Variants in PTPN3 observed in about 807,000 individuals in gnomAD.
PTPN3 encodes the protein protein tyrosine phosphatase non-receptor type 3.
A neutral mutation model predicts 132.7 loss-of-function variants in PTPN3; 96 were observed. The ratio of observed to expected loss-of-function variants is 0.72; its 90% CI spans 0.61 to 0.86. PTPN3 has a LOEUF of 0.86. Ranked by LOEUF, PTPN3 falls within the 40% of genes least tolerant of loss-of-function variation. The probability of loss-of-function intolerance (pLI) is 0.00; values close to 1 mark genes in which losing one functional copy is unlikely to be tolerated. For synonymous variants in PTPN3, 398 were observed against 429.0 expected (o/e 0.93, Z 0.89); for missense variants, 1,125 against 1,159.6 (o/e 0.97, Z 0.43).
intron 17 of PTPN3, among the ~76,000 whole-genome samples, chr9:109,407,688 C>A (rs1490437426): frequency 1.3e-5 from 2 of 152,042 alleles, no homozygotes; most frequent in African/African-American, 4.8e-5. Context: ...GGGATCACAC[C>A]TGTGTGCCAC....
intron 10 of PTPN3, 90 bp downstream of exon 10, chr9:109,432,983 A>C: frequency 6.5e-7 from 1 of 1,526,774 alleles, no homozygotes. Context: ...TTCTTTAGAA[A>C]TAAACATTTA....
At chr9:109,391,411 T>C in intron 20 of PTPN3, 60 bp downstream of exon 20, 2 of 1,520,956 alleles carry the variant, frequency 1.3e-6, no homozygotes, top group Non-Finnish European at 1.8e-6. Context: ...CAATCTGTTT[T>C]AAAAAGGGAA....
At chr9:109,443,955 G>C (rs1182398029) in intron 7 of PTPN3, among the ~76,000 whole-genome samples, 1 of 152,184 alleles carries the variant, frequency 6.6e-6, no homozygotes, top group Non-Finnish European at 1.5e-5. Flanking sequence ...CAGCCACCTT[G>C]CTCTTCACCT....
At chr9:109,491,204 A>ATCTC (rs1847447453) in intron 1 of PTPN3, among the ~76,000 whole-genome samples, 1 of 151,936 alleles carries the variant, frequency 6.6e-6, no homozygotes, top group Non-Finnish European at 1.5e-5. Context: ...TCTCTCAAAA[A>ATCTC]AAAAAAAAAA....
intron 12 of PTPN3, among the ~76,000 whole-genome samples, chr9:109,425,459 C>T (rs766908090): frequency 1.9e-4 from 29 of 152,150 alleles, no homozygotes; most frequent in Non-Finnish European, 3.7e-4. Flanking sequence ...GCCTGTAACC[C>T]CAACACTTTG....
At chr9:109,440,868 C>T (rs760102223) in intron 7 of PTPN3, among the ~76,000 whole-genome samples, 3 of 152,164 alleles carry the variant, frequency 2.0e-5, no homozygotes, top group Non-Finnish European at 4.4e-5. Context: ...AAATCCTAAG[C>T]GGCCACTCTG....
chr9:109,494,835 G>A (rs563563277), intron 1 of PTPN3, among the ~76,000 whole-genome samples: 1 of 152,188 alleles, frequency 6.6e-6, no homozygotes, highest in East Asian at 1.9e-4. Context: ...CTAATACATG[G>A]TAGAGACTCA....
At chr9:109,464,038 C>A (rs1372288604) in intron 1 of PTPN3, among the ~76,000 whole-genome samples, 2 of 152,134 alleles carry the variant, frequency 1.3e-5, no homozygotes, top group Non-Finnish European at 2.9e-5. Flanking sequence ...AGGTACTCAA[C>A]CATATTAGCT....
chr9:109,492,670 A>C (rs1847515705), intron 1 of PTPN3, among the ~76,000 whole-genome samples: 1 of 152,260 alleles, frequency 6.6e-6, no homozygotes, highest in African/African-American at 2.4e-5. Context: ...CAACTAAATC[A>C]GAGTTGAGAG....
Position 109,378,957 on chromosome 9 carries a change from C to T in PTPN3, c.*599G>A, listed in dbSNP as rs1838791844. 1 of 152,380 alleles carries T rather than the reference C, an allele frequency of 6.6e-6. No individual in the cohort carries two copies. The highest frequency in any genetic ancestry group is 1.5e-5 in the Non-Finnish European group (1 of 68,204). 9.4% of individuals were successfully genotyped at this position (152,380 alleles called of 1,614,324 possible). On this transcript the variant is annotated 3_prime_UTR_variant, in exon 26 of 26. Transcript: ENST00000374541. ...TGAAGAGGGACACAATTCTCAGAAA[C>T]ATGAATATTGGAAGTCGCTGGGAGA...
At chr9:109,506,010 CA>C in the PTPN3 span, among the ~76,000 whole-genome samples, 1 of 152,194 alleles carries the variant, frequency 6.6e-6, no homozygotes, top group Non-Finnish European at 1.5e-5. Flanking sequence ...CTCAGCCTCC[CA>C]AAGTGCTGGG....
At chr9:109,434,808 G>T (rs182792341) in intron 9 of PTPN3, among the ~76,000 whole-genome samples, 3 of 152,196 alleles carry the variant, frequency 2.0e-5, no homozygotes, top group Non-Finnish European at 4.4e-5. Flanking sequence ...AAGGGGGCTT[G>T]GCATATGGAG....
chr9:109,524,952 G>A, the PTPN3 span, among the ~76,000 whole-genome samples: 6 of 152,190 alleles, frequency 3.9e-5, no homozygotes, highest in Non-Finnish European at 8.8e-5. Context: ...TGTCCAGGCT[G>A]GTTTCAAACT....
intron 13 of PTPN3, 71 bp downstream of exon 13, chr9:109,422,647 A>C (rs551984055): frequency 6.8e-7 from 1 of 1,463,662 alleles, no homozygotes; most frequent in Admixed American, 2.2e-5. Flanking sequence ...TTATAAGTTG[A>C]GTTTTTATTT....
chr9:109,379,763 T>C, intron 25 of PTPN3, 130 bp from the exon 26 acceptor site: 1 of 765,678 alleles, frequency 1.3e-6, no homozygotes, highest in Non-Finnish European at 2.2e-6. Context: ...ACAGGCCAGG[T>C]ACACCTGTGA....
At chr9:109,391,037 C>T (rs999541977) in intron 21 of PTPN3, 101 bp downstream of exon 21, 19 of 1,067,554 alleles carry the variant, frequency 1.8e-5, no homozygotes, top group South Asian at 5.7e-5. Context: ...CGGTGGTGAA[C>T]GGGAAAGCAC....
rs750181035 is a variant in PTPN3, at chr9:109,406,512, G to A, written c.1742C>T (p.Ala581Val). Residue 581 changes from alanine to valine, a missense_variant, in exon 18 of 26, where the codon GCC becomes GTC. By Grantham distance (64) the Ala-to-Val change is moderately conservative. Coordinates refer to ENST00000374541, the MANE Select transcript of PTPN3 (RefSeq NM_002829.4). ...THDQVVMFIK[A>V]SRESHSRELA... ...CTCCCGTGAGTGGGACTCCCGGCTG[G>A]CTTTGATGAACATCACCACTTGGTC... 1 of 1,614,180 alleles carries A rather than the reference G, an allele frequency of 6.2e-7. No individual in the cohort carries two copies. The highest frequency in any genetic ancestry group is 8.5e-7 in the Non-Finnish European group (1 of 1,180,028).
intron 5 of PTPN3, 35 bp from the exon 6 acceptor site, chr9:109,448,890 A>G: frequency 6.4e-7 from 1 of 1,559,880 alleles, no homozygotes; most frequent in Non-Finnish European, 8.6e-7. Context: ...TTCATACTCA[A>G]ACTGAAATAA....
chr9:109,443,492 T>C (rs889996925), intron 7 of PTPN3, among the ~76,000 whole-genome samples: 31 of 152,130 alleles, frequency 2.0e-4, no homozygotes, highest in African/African-American at 7.5e-4. Context: ...ATTACATGCG[T>C]GAGCCACCAC....
Sources: allele counts gnomAD v4.1 joint callset (sites outside exome capture counted in the v4.1 genomes callset), GRCh38; gene constraint gnomAD v4.1.1; transcripts MANE v1.5; gene names NCBI Gene and HGNC (gene_info 2026-07-23, HGNC 2026-07-21).